The following ATG5 variants were observed in gnomAD, a reference collection of about 807,000 sequenced individuals.
ATG5 encodes autophagy protein 5.
A neutral mutation model predicts 36.5 loss-of-function variants in ATG5; 14 were observed. That is an observed-to-expected ratio of 0.38 (90% CI 0.25 to 0.60). The LOEUF (loss-of-function observed/expected upper bound fraction) is 0.60. Among genes scored for constraint, ATG5 ranks in the 20% least tolerant of loss-of-function variants. The pLI, the probability that ATG5 is intolerant of heterozygous loss-of-function variation, is 0.60. For missense variants in ATG5, 195 were observed against 326.7 expected (o/e 0.60, Z 3.11); for synonymous variants, 95 against 101.5 (o/e 0.94, Z 0.38).
At chr6:106,311,525 G>A (rs896947477) in intron 2 of ATG5, among the ~76,000 whole-genome samples, 3 of 152,166 alleles carry the variant, frequency 2.0e-5, no homozygotes, top group African/African-American at 7.2e-5. Context: ...CAAGACAAAA[G>A]GCATGGAATG....
intron 6 of ATG5, among the ~76,000 whole-genome samples, chr6:106,204,195 C>A (rs1324567442): frequency 4.0e-5 from 6 of 151,826 alleles, no homozygotes; most frequent in African/African-American, 1.5e-4. Context: ...CCTGCACATT[C>A]TGCACATGTA....
rs180921614 is a variant in ATG5 at position 106,267,199 on chromosome 6, G to C, written c.478+12462C>G. Reference sequence around the variant, plus strand: ...TCACAAGCATTCCTATACACCAACAGCAAAGAAGCAGAGAGTCAAATCATG... The same window carrying C: ...TCACAAGCATTCCTATACACCAACACCAAAGAAGCAGAGAGTCAAATCATG... On this transcript the variant is annotated intron_variant, in intron 5 of 7. Transcript: ENST00000369076. Among the ~76,000 whole-genome samples, 8 of 152,148 alleles carry C rather than the reference G, an allele frequency of 5.3e-5. No homozygotes were observed. The East Asian group carries it at 9.6e-4, about 18-fold the overall frequency.
rs1034084255 is a variant in ATG5, at chr6:106,197,503, C to CT, written c.691+4468dup. ...TTATCACCAAAGTTGGAAATGGGGCCTAATGGGAGGTATTTGGGTTGGGGT... is the reference window on the plus strand; with the variant it reads ...TTATCACCAAAGTTGGAAATGGGGCCTTAATGGGAGGTATTTGGGTTGGGGT... On this transcript the variant is annotated intron_variant, in intron 7 of 7. Coordinates refer to ENST00000369076, the MANE Select transcript of ATG5 (RefSeq NM_004849.4). Among the ~76,000 whole-genome samples, 4 of 94,034 alleles carry CT rather than the reference C, an allele frequency of 4.3e-5. No homozygotes were observed. In the Admixed American group the frequency reaches 4.9e-4, roughly 11 times the overall value. The allele number at this position is 94,034 out of a possible 152,430, so 61.7% of individuals were successfully genotyped here.
intron 5 of ATG5, among the ~76,000 whole-genome samples, chr6:106,264,538 A>G (rs762016972): frequency 6.6e-6 from 1 of 152,142 alleles, no homozygotes; most frequent in Non-Finnish European, 1.5e-5. Flanking sequence ...ACACATAATC[A>G]TCAGATTCTC....
In ATG5 at chr6:106,263,906, G is replaced by A. The variant is rs117153424; in HGVS notation, c.479-15662C>T. On this transcript the variant is annotated intron_variant, in intron 5 of 7. Transcript: ENST00000369076. ...AAAAAAAAAAAAACAGCACAAAAAT[G>A]CTGAAGATTCAAAAAACCAGAATGC... Among the ~76,000 whole-genome samples the A allele has an allele frequency of 1.2e-3, 173 of 148,560 alleles. 2 individuals carry two copies. The East Asian group carries it at 0.029, about 25-fold the overall frequency.
intron 5 of ATG5, among the ~76,000 whole-genome samples, chr6:106,262,229 C>A (rs565000291): frequency 6.6e-4 from 100 of 152,224 alleles, no homozygotes; most frequent in Admixed American, 1.2e-3. Flanking sequence ...TGTGCCATGC[C>A]TAATTTTTAT....
intron 4 of ATG5, among the ~76,000 whole-genome samples, chr6:106,282,349 T>C (rs1183450556): frequency 6.6e-6 from 1 of 152,256 alleles, no homozygotes; most frequent in East Asian, 1.9e-4. Flanking sequence ...TTTATGCATT[T>C]CTCATACATT....
At chr6:106,281,918 T>C (rs1229490012) in intron 4 of ATG5, among the ~76,000 whole-genome samples, 1 of 152,240 alleles carries the variant, frequency 6.6e-6, no homozygotes, top group Non-Finnish European at 1.5e-5. Context: ...ATTTCCATGA[T>C]GACTAAAGAT....
intron 5 of ATG5, among the ~76,000 whole-genome samples, chr6:106,278,438 T>A (rs919888886): frequency 6.6e-6 from 1 of 152,224 alleles, no homozygotes; most frequent in East Asian, 1.9e-4. Flanking sequence ...TCCTTTAATA[T>A]GAAATTTTTT....
chr6:106,230,443 T>C (rs945413345), intron 6 of ATG5, among the ~76,000 whole-genome samples: 1 of 152,058 alleles, frequency 6.6e-6, no homozygotes, highest in African/African-American at 2.4e-5. Flanking sequence ...ACCACTAGAA[T>C]CCAGCAGCCC....
chr6:106,305,387 T>C (rs1403528108), intron 3 of ATG5, among the ~76,000 whole-genome samples: 5 of 152,224 alleles, frequency 3.3e-5, no homozygotes, highest in Admixed American at 2.0e-4. Flanking sequence ...AAGTCATATT[T>C]TTCCCAACTG....
rs1483277185 is a variant in ATG5 at position 106,293,053 on chromosome 6, G to A, written c.290C>T (p.Pro97Leu). ...FDLLASSSAL[P>L]WNITVHFKSF... ...CTTAAAATGTACTGTGATGTTCCAA[G>A]GAAGAGCTGAACTTGATGCAAGAAG... The change falls in exon 4 of 8, where the codon CCT becomes CTT. Residue 97 changes from proline (P) to leucine (L), a missense_variant. Physicochemically the swap from Pro to Leu is moderately conservative, Grantham distance 98. Transcript: ENST00000369076. 1.2e-6 allele frequency: 2 copies of A among 1,613,502 alleles called. No individual in the cohort carries two copies. Among genetic ancestry groups the A allele is most frequent in the East Asian group, 2.2e-5 (1 of 44,812 alleles).
At chr6:106,220,919 T>A (rs1777223131) in intron 6 of ATG5, among the ~76,000 whole-genome samples, 1 of 152,178 alleles carries the variant, frequency 6.6e-6, no homozygotes, top group Non-Finnish European at 1.5e-5. Flanking sequence ...GGACTGAAAG[T>A]AAAATGCACT....
At chr6:106,221,027 T>C (rs780781770) in intron 6 of ATG5, among the ~76,000 whole-genome samples, 1 of 152,180 alleles carries the variant, frequency 6.6e-6, no homozygotes. Flanking sequence ...AAGAATGTAT[T>C]ATGCCAGCAG....
chr6:106,272,207 C>G (rs1645966668), intron 5 of ATG5, among the ~76,000 whole-genome samples: 1 of 152,186 alleles, frequency 6.6e-6, no homozygotes, highest in South Asian at 2.1e-4. Flanking sequence ...CTTTTCAATT[C>G]CCATTTGCTT....
chr6:106,304,172 A>G (rs1770334120), intron 3 of ATG5: 1 of 152,136 alleles, frequency 6.6e-6, no homozygotes, highest in South Asian at 2.1e-4. Context: ...AAAAATGAAC[A>G]TTCACGCTCG....
intron 6 of ATG5, among the ~76,000 whole-genome samples, chr6:106,238,395 T>C (rs1331170157): frequency 6.6e-6 from 1 of 152,218 alleles, no homozygotes; most frequent in African/African-American, 2.4e-5. Context: ...TACTGTAACA[T>C]ATATCTCTAA....
intron 3 of ATG5, among the ~76,000 whole-genome samples, chr6:106,303,744 G>C (rs1042366458): frequency 2.6e-5 from 4 of 152,034 alleles, no homozygotes; most frequent in Non-Finnish European, 5.9e-5. Flanking sequence ...ATACAAGGTT[G>C]GTCCAACATC....
At chr6:106,268,372 G>T (rs1410743423) in intron 5 of ATG5, among the ~76,000 whole-genome samples, 1 of 152,164 alleles carries the variant, frequency 6.6e-6, no homozygotes, top group Non-Finnish European at 1.5e-5. Flanking sequence ...AAAAAGTCAG[G>T]AAACAACAGA....
Sources: gnomAD v4.1 joint callset for allele counts (sites outside exome capture counted in the v4.1 genomes callset) on GRCh38, gnomAD v4.1.1 for gene constraint, MANE v1.5 for transcripts, NCBI Gene and HGNC (gene_info 2026-07-23, HGNC 2026-07-21) for gene names.